The following LRRIQ3 variants were observed in gnomAD, a reference collection of about 807,000 sequenced individuals.
The protein encoded by LRRIQ3 is leucine rich repeats and IQ motif containing 3, also known as leucine-rich repeat and IQ domain-containing protein 3.
LRRIQ3 carries 75 observed loss-of-function variants against 59.3 expected under a neutral mutation model. The observed-to-expected ratio is 1.26, with a 90% CI of 1.05 to 1.53. The LOEUF (loss-of-function observed/expected upper bound fraction) is 1.53, where lower values mean the gene tolerates loss of function less well. Among genes scored for constraint, LRRIQ3 ranks in the 40% most tolerant of loss-of-function variants. The pLI is 0.00. For synonymous variants in LRRIQ3, 250 were observed against 231.3 expected (o/e 1.08, Z -0.73); for missense variants, 831 against 710.0 (o/e 1.17, Z -1.94).
chr1:74,053,731 C>T (rs1039224979), intron 6 of LRRIQ3, among the ~76,000 whole-genome samples: 2 of 151,972 alleles, frequency 1.3e-5, no homozygotes, highest in Non-Finnish European at 2.9e-5. Flanking sequence ...CAAGAGACTT[C>T]CTTAAAGAAA....
chr1:74,096,377 C>T (rs1260605851), intron 5 of LRRIQ3, among the ~76,000 whole-genome samples: 1 of 152,084 alleles, frequency 6.6e-6, no homozygotes, highest in African/African-American at 2.4e-5. Context: ...TTGAGAACCA[C>T]TATTATACAG....
intron 5 of LRRIQ3, among the ~76,000 whole-genome samples, chr1:74,103,186 T>C (rs1290539358): frequency 6.6e-6 from 1 of 151,956 alleles, no homozygotes; most frequent in Non-Finnish European, 1.5e-5. Context: ...TACTTCATTG[T>C]TTATATTTCC....
intron 5 of LRRIQ3, among the ~76,000 whole-genome samples, chr1:74,091,270 C>A (rs908373921): frequency 6.6e-6 from 1 of 151,974 alleles, no homozygotes; most frequent in African/African-American, 2.4e-5. Flanking sequence ...GTGTCATGGT[C>A]AAATATTGGT....
At chr1:74,135,697 G>T (rs1270313646) in intron 4 of LRRIQ3, among the ~76,000 whole-genome samples, 1 of 151,908 alleles carries the variant, frequency 6.6e-6, no homozygotes, top group African/African-American at 2.4e-5. Context: ...TGAGTTGAAT[G>T]AAAACACAAC....
chr1:74,197,793 G>A (rs978830597), intron 1 of LRRIQ3, among the ~76,000 whole-genome samples: 2 of 152,176 alleles, frequency 1.3e-5, no homozygotes, highest in African/African-American at 4.8e-5. Context: ...AGGGTTGGGG[G>A]CAGATGGCCC....
intron 4 of LRRIQ3, among the ~76,000 whole-genome samples, chr1:74,138,895 T>C (rs1399385846): frequency 6.6e-6 from 1 of 151,184 alleles, no homozygotes. Context: ...TCATAGAAAA[T>C]AGGAGAGTGG....
chr1:74,103,795 C>G (rs992724097), intron 5 of LRRIQ3, among the ~76,000 whole-genome samples: 2 of 151,426 alleles, frequency 1.3e-5, no homozygotes, highest in Admixed American at 6.6e-5. Context: ...CTTCCCCCCC[C>G]CGCCATATTT....
intron 7 of LRRIQ3, among the ~76,000 whole-genome samples, chr1:74,035,339 T>G (rs1305061946): frequency 6.6e-6 from 1 of 152,144 alleles, no homozygotes; most frequent in East Asian, 1.9e-4. Context: ...CTTTGAATTC[T>G]CATAACTGAT....
rs375038275 is a variant in LRRIQ3, at chr1:74,052,266, CA to C, written c.998-10334del. ...CTTTCTCTTTTTTTGAGCCATTGGA[CA>C]GCTACAGCCACTGTTGGATAGTAGT... On this transcript the variant is annotated intron_variant, in intron 6 of 7. Coordinates refer to ENST00000354431, the MANE Select transcript of LRRIQ3 (RefSeq NM_001105659.2). Among the ~76,000 whole-genome samples, 346 of 152,216 alleles carry C rather than the reference CA, an allele frequency of 2.3e-3. 4 individuals are homozygous for C. The highest frequency in any genetic ancestry group is 7.5e-3 in the African/African-American group (313 of 41,546).
intron 6 of LRRIQ3, among the ~76,000 whole-genome samples, chr1:74,069,225 C>T (rs1654951690): frequency 6.6e-6 from 1 of 151,886 alleles, no homozygotes; most frequent in Non-Finnish European, 1.5e-5. Flanking sequence ...ATGAATGGTC[C>T]TTGAAATGGC....
chr1:74,052,056 T>A (rs1654387257), intron 6 of LRRIQ3, among the ~76,000 whole-genome samples: 1 of 152,104 alleles, frequency 6.6e-6, no homozygotes, highest in Non-Finnish European at 1.5e-5. Context: ...AGCTTACCAT[T>A]TCTTTCATCT....
Position 74,059,343 on chromosome 1 carries a change from T to C in LRRIQ3, c.997+15318A>G, listed in dbSNP as rs536601680. Among the ~76,000 whole-genome samples, 12 of 152,098 alleles carry C rather than the reference T, an allele frequency of 7.9e-5. No individual in the cohort carries two copies. In the East Asian group the frequency reaches 2.3e-3, roughly 29 times the overall value. On this transcript the variant is annotated intron_variant, in intron 6 of 7. Coordinates refer to ENST00000354431, the MANE Select transcript of LRRIQ3 (RefSeq NM_001105659.2). ...TTAAGGTTACAAAGGTTTACTCCCA[T>C]CTTCTCTTTTAAGACATTTATAATT...
intron 5 of LRRIQ3, among the ~76,000 whole-genome samples, chr1:74,079,220 A>T (rs1370677478): frequency 6.6e-6 from 1 of 151,802 alleles, no homozygotes; most frequent in East Asian, 1.9e-4. Context: ...GAGGTATAGA[A>T]CATCATCAAA....
intron 1 of LRRIQ3, among the ~76,000 whole-genome samples, chr1:74,186,252 T>C (rs1377873797): frequency 1.3e-5 from 2 of 151,992 alleles, no homozygotes; most frequent in Admixed American, 6.6e-5. Context: ...GTAATGTCTA[T>C]AGATTCATCC....
chr1:74,082,759 T>C (rs1489792939), intron 5 of LRRIQ3: 1 of 151,536 alleles, frequency 6.6e-6, no homozygotes, highest in African/African-American at 2.4e-5. Flanking sequence ...GCTATATATA[T>C]ATAATTATAT....
At chr1:74,092,305 C>T (rs1409471832) in intron 5 of LRRIQ3, among the ~76,000 whole-genome samples, 2 of 152,078 alleles carry the variant, frequency 1.3e-5, no homozygotes, top group Non-Finnish European at 2.9e-5. Flanking sequence ...GAGAGGTGAA[C>T]AAACATATTA....
intron 6 of LRRIQ3, among the ~76,000 whole-genome samples, chr1:74,057,212 T>C (rs1259816145): frequency 1.3e-5 from 2 of 152,014 alleles, no homozygotes; most frequent in Non-Finnish European, 2.9e-5. Flanking sequence ...TTCACAGAAA[T>C]AGAAAAAAAT....
intron 5 of LRRIQ3, among the ~76,000 whole-genome samples, chr1:74,092,269 G>A (rs948243834): frequency 1.3e-5 from 2 of 152,082 alleles, no homozygotes; most frequent in Non-Finnish European, 2.9e-5. Context: ...ATCAGTCCTA[G>A]ACTGTATACC....
intron 5 of LRRIQ3, chr1:74,078,734 T>G (rs750952765): frequency 3.3e-5 from 5 of 151,794 alleles, no homozygotes; most frequent in African/African-American, 9.7e-5. Context: ...ACATGAATAG[T>G]AAGCAGCTTA....
Sources: gnomAD v4.1 joint callset for allele counts (sites outside exome capture counted in the v4.1 genomes callset) on GRCh38, gnomAD v4.1.1 for gene constraint, MANE v1.5 for transcripts, NCBI Gene and HGNC (gene_info 2026-07-23, HGNC 2026-07-21) for gene names.